Variants in OR1L3 observed in about 807,000 individuals in gnomAD.
OR1L3 encodes the protein olfactory receptor 1L3.
For missense variants in OR1L3, 374 were observed against 386.4 expected, an observed-to-expected ratio of 0.97 and a Z score of 0.27; for synonymous variants, 137 against 144.5, an observed-to-expected ratio of 0.95 and a Z score of 0.37.
Position 122,675,309 on chromosome 9 carries a change from T to C in OR1L3, c.180T>C (p.Tyr60=). ...HSDPRLQNPM[Y]FFLSILSFAD... is the part of the protein sequence containing the mutation. Reference sequence around the variant, plus strand: ...ATCCTCGACTTCAAAACCCTATGTATTTTTTCCTAAGCATCTTGTCCTTTG... The same window carrying C: ...ATCCTCGACTTCAAAACCCTATGTACTTTTTCCTAAGCATCTTGTCCTTTG... Residue 60 remains tyrosine, a synonymous_variant, in exon 1 of 1, where the codon TAT becomes TAC. Transcript: ENST00000304820. 1 of 1,614,172 alleles carries C rather than the reference T, an allele frequency of 6.2e-7. No individual in the cohort carries two copies. Among genetic ancestry groups the C allele is most frequent in the South Asian group, 1.1e-5 (1 of 91,080 alleles).
chr9:122,675,542 G>A lies in OR1L3; in HGVS notation c.413G>A (p.Arg138His), dbSNP rs372271162. 2.1e-5 allele frequency: 34 copies of A among 1,614,046 alleles called. No individual in the cohort carries two copies. The highest frequency in any genetic ancestry group is 3.3e-4 in the Middle Eastern group (2 of 6,084). Reference sequence around the variant, plus strand: ...TTCCATTATGTCACTGTTATGAACCGCAGATGCTGTGTGTTGCTACTAGCA... The same window carrying A: ...TTCCATTATGTCACTGTTATGAACCACAGATGCTGTGTGTTGCTACTAGCA... ...NPFHYVTVMN[R>H]RCCVLLLAFP... is the part of the protein sequence containing the mutation. Residue 138 changes from arginine to histidine, a missense_variant, in exon 1 of 1, where the codon CGC becomes CAC. Arg to His is a conservative substitution (Grantham distance 29). Transcript: ENST00000304820.
In OR1L3 at chr9:122,675,187, C is replaced by T. The variant is rs748192147; in HGVS notation, c.58C>T (p.Arg20Trp). 1.7e-5 allele frequency: 27 copies of T among 1,613,264 alleles called. No individual in the cohort carries two copies. In the Admixed American group the frequency reaches 2.8e-4, roughly 17 times the overall value. ...ATTTATTCTCTTGGGACTCTCCTCT[C>T]GGTCTGAAGACCAGAGGCCACTCTT... ...SEFILLGLSS[R>W]SEDQRPLFAL... Residue 20 changes from arginine to tryptophan, a missense_variant, in exon 1 of 1, where the codon CGG becomes TGG. By Grantham distance (101) the Arg-to-Trp change is moderately radical (BLOSUM62 -3). Transcript: ENST00000304820.
rs776945389 is a variant in OR1L3, at chr9:122,675,638, C to T, written c.509C>T (p.Thr170Ile). ...CTGGTGAATCGGCTCACCTTTTGTA[C>T]ATCAAATGTTATCCATCATTTTTTT... The part of the protein sequence containing the change: ...VLLVNRLTFC[T>I]SNVIHHFFCD... Residue 170 changes from threonine to isoleucine, a missense_variant, in exon 1 of 1, where the codon ACA (threonine) becomes ATA (isoleucine). By Grantham distance (89) the Thr-to-Ile change is moderately conservative. Transcript: ENST00000304820. 19 of 1,614,176 alleles carry T rather than the reference C, an allele frequency of 1.2e-5. No individual in the cohort carries two copies. Among genetic ancestry groups the T allele is most frequent in the East Asian group, 2.2e-5 (1 of 44,880 alleles).
Position 122,675,289 on chromosome 9 carries a change from C to T in OR1L3, c.160C>T (p.Arg54Ter), listed in dbSNP as rs12379744. ...LIILAIHSDP[R>*]LQNPMYFFLS... ...CATCTTGGCTATCCACTCTGATCCTCGACTTCAAAACCCTATGTATTTTTT... is the reference window on the plus strand; with the variant it reads ...CATCTTGGCTATCCACTCTGATCCTTGACTTCAAAACCCTATGTATTTTTT... The change falls in exon 1 of 1, where the codon CGA becomes TGA. Residue 54 changes from arginine (R) to a stop codon, truncating the protein, a stop_gained. Transcript: ENST00000304820. LOFTEE classifies it low-confidence loss of function (END_TRUNC). The T allele has an allele frequency of 4.5e-5, 72 of 1,614,078 alleles. No homozygotes were observed. The highest frequency in any genetic ancestry group is 1.4e-4 in the South Asian group (13 of 91,082).
rs747640614 is a variant in OR1L3 at position 122,675,462 on chromosome 9, T to C, written c.333T>C (p.Asp111=). 1.2e-5 allele frequency: 20 copies of C among 1,614,194 alleles called. No individual in the cohort carries two copies. The East Asian group carries it at 4.5e-4, about 36-fold the overall frequency. The part of the protein sequence containing the change: ...MYFFLVFGNI[D]SYLLAAMAIN... Reference sequence around the variant, plus strand: ...TCTTCCTGGTTTTTGGAAACATAGATAGTTATCTCCTGGCGGCTATGGCCA... The same window carrying C: ...TCTTCCTGGTTTTTGGAAACATAGACAGTTATCTCCTGGCGGCTATGGCCA... The change falls in exon 1 of 1, where the codon GAT becomes GAC. Residue 111 remains aspartate, a synonymous_variant. Coordinates refer to ENST00000304820, the MANE Select transcript of OR1L3 (RefSeq NM_001005234.1).
rs368246350 is a variant in OR1L3 at position 122,676,022 on chromosome 9, G to A, written c.893G>A (p.Arg298Gln). The A allele has an allele frequency of 2.2e-5, 36 of 1,612,800 alleles. No individual in the cohort carries two copies. In the African/African-American group the frequency reaches 2.7e-4, roughly 12 times the overall value. Residue 298 changes from arginine (R) to glutamine (Q), a missense_variant, in exon 1 of 1, where the codon CGG becomes CAG. Coordinates refer to ENST00000304820, the MANE Select transcript of OR1L3 (RefSeq NM_001005234.1). ...AGTTTAAGAAACAAAGACATGAAAC[G>A]GGGCTTACAGAAATTGATAAACAAG... The part of the protein sequence containing the change: ...IYSLRNKDMK[R>Q]GLQKLINKIK...
chr9:122,675,332 T>G lies in OR1L3; in HGVS notation c.203T>G (p.Phe68Cys), dbSNP rs143061509. 1 of 1,614,208 alleles carries G rather than the reference T, an allele frequency of 6.2e-7. No homozygotes were observed. The change falls in exon 1 of 1, where the codon TTT becomes TGT. Residue 68 changes from phenylalanine (F) to cysteine (C), a missense_variant. Transcript: ENST00000304820. ...TATTTTTTCCTAAGCATCTTGTCCT[T>G]TGCTGATATTTGCTACACAACAGTC... Reference protein sequence around the residue: ...PMYFFLSILSFADICYTTVIV... With the variant: ...PMYFFLSILSCADICYTTVIV...
rs367883946 is a variant in OR1L3 at position 122,675,274 on chromosome 9, A to G, written c.145A>G (p.Ile49Val). 1.3e-5 allele frequency: 21 copies of G among 1,614,072 alleles called. No individual in the cohort carries two copies. The highest frequency in any genetic ancestry group is 1.7e-5 in the Non-Finnish European group (20 of 1,180,042). Reference protein sequence around the residue: ...LMGNLLIILAIHSDPRLQNPM... With the variant: ...LMGNLLIILAVHSDPRLQNPM... ...GGGAAATCTGCTCATCATCTTGGCT[A>G]TCCACTCTGATCCTCGACTTCAAAA... Residue 49 changes from isoleucine (I) to valine (V), a missense_variant, in exon 1 of 1, where the codon ATC (isoleucine) becomes GTC (valine). Transcript: ENST00000304820.
chr9:122,676,027 T>C lies in OR1L3; in HGVS notation c.898T>C (p.Leu300=). The change falls in exon 1 of 1, where the codon TTA becomes CTA. Residue 300 remains leucine, a synonymous_variant. Transcript: ENST00000304820. The part of the protein sequence containing the change: ...SLRNKDMKRG[L]QKLINKIKSQ... ...AAGAAACAAAGACATGAAACGGGGCTTACAGAAATTGATAAACAAGATTAA... is the reference window on the plus strand; with the variant it reads ...AAGAAACAAAGACATGAAACGGGGCCTACAGAAATTGATAAACAAGATTAA... 1 of 1,612,592 alleles carries C rather than the reference T, an allele frequency of 6.2e-7. No individual in the cohort carries two copies. The highest frequency in any genetic ancestry group is 8.5e-7 in the Non-Finnish European group (1 of 1,179,636).
Position 122,675,190 on chromosome 9 carries a change from T to G in OR1L3, c.61T>G (p.Ser21Ala). The G allele has an allele frequency of 6.2e-7, 1 of 1,613,776 alleles. No homozygotes were observed. Among genetic ancestry groups the G allele is most frequent in the South Asian group, 1.1e-5 (1 of 91,002 alleles). ...EFILLGLSSR[S>A]EDQRPLFALF... ...TATTCTCTTGGGACTCTCCTCTCGG[T>G]CTGAAGACCAGAGGCCACTCTTTGC... Residue 21 changes from serine (S) to alanine (A), a missense_variant, in exon 1 of 1, where the codon TCT (serine) becomes GCT (alanine). Physicochemically the swap from Ser to Ala is moderately conservative, Grantham distance 99. Transcript: ENST00000304820.
At position 122,675,704 on chromosome 9, in the gene OR1L3, C is replaced by G. The variant is rs752501356; in HGVS notation, c.575C>G (p.Thr192Ser). 6 of 1,614,158 alleles carry G rather than the reference C, an allele frequency of 3.7e-6. No homozygotes were observed. The highest frequency in any genetic ancestry group is 5.1e-6 in the Non-Finnish European group (6 of 1,180,024). ...NPVLKLSCSS[T>S]FVNEIVAMTE... ...GTGCTGAAACTGTCCTGCTCCTCCA[C>G]CTTTGTCAATGAAATTGTGGCCATG... Residue 192 changes from threonine (T) to serine (S), a missense_variant, in exon 1 of 1, where the codon ACC becomes AGC. Physicochemically the swap from Thr to Ser is moderately conservative, Grantham distance 58. Coordinates refer to ENST00000304820, the MANE Select transcript of OR1L3 (RefSeq NM_001005234.1).
Position 122,675,456 on chromosome 9 carries a change from CAT to C in OR1L3, c.329_330del (p.Ile110ArgfsTer2), listed in dbSNP as rs1224991191. The C allele has an allele frequency of 6.2e-7, 1 of 1,614,102 alleles. No homozygotes were observed. Among genetic ancestry groups the C allele is most frequent in the African/African-American group, 1.3e-5 (1 of 74,948 alleles). The part of the protein sequence containing the change: ...QMYFFLVFGN[I>X]DSYLLAAMAI... ...TGTATTTCTTCCTGGTTTTTGGAAA[CAT>C]AGATAGTTATCTCCTGGCGGCTATG... is the stretch of plus-strand genomic sequence containing the variant. On this transcript the variant is annotated frameshift_variant, in exon 1 of 1. Coordinates refer to ENST00000304820, the MANE Select transcript of OR1L3 (RefSeq NM_001005234.1). LOFTEE classifies it low-confidence loss of function (END_TRUNC).
In OR1L3 at chr9:122,676,003, A is replaced by G. The variant is rs1413705402; in HGVS notation, c.874A>G (p.Arg292Gly). The change falls in exon 1 of 1, where the codon AGA becomes GGA. Residue 292 changes from arginine to glycine, a missense_variant. Physicochemically the swap from Arg to Gly is moderately radical, Grantham distance 125. Transcript: ENST00000304820. ...SVLNPFIYSL[R>G]NKDMKRGLQK... ...GTTGAACCCATTTATCTACAGTTTA[A>G]GAAACAAAGACATGAAACGGGGCTT... is the stretch of plus-strand genomic sequence containing the variant. 2 of 1,613,920 alleles carry G rather than the reference A, an allele frequency of 1.2e-6. No homozygotes were observed. The highest frequency in any genetic ancestry group is 3.3e-5 in the Admixed American group (2 of 59,950).
Position 122,675,165 on chromosome 9 carries a change from T to C in OR1L3, c.36T>C (p.Phe12=). 2 of 1,611,506 alleles carry C rather than the reference T, an allele frequency of 1.2e-6. No homozygotes were observed. The highest frequency in any genetic ancestry group is 1.7e-6 in the Non-Finnish European group (2 of 1,179,060). The change falls in exon 1 of 1, where the codon TTT becomes TTC. Residue 12 remains phenylalanine (F), a synonymous_variant. Transcript: ENST00000304820. ...GMSNLTRLSE[F]ILLGLSSRSE... ...CCAACCTGACAAGACTCTCTGAATT[T>C]ATTCTCTTGGGACTCTCCTCTCGGT...
rs200110272 is a variant in OR1L3, at chr9:122,675,941, G to A, written c.812G>A (p.Arg271Gln). 1.5e-4 allele frequency: 239 copies of A among 1,613,970 alleles called. No homozygotes were observed. Among genetic ancestry groups the A allele is most frequent in the Non-Finnish European group, 1.7e-4 (198 of 1,180,020 alleles). The part of the protein sequence containing the change: ...QPLSSYTVKD[R>Q]IATINYTVLT... ...TTGTCCAGCTATACTGTCAAGGACCGAATAGCAACAATCAACTACACTGTG... is the reference window on the plus strand; with the variant it reads ...TTGTCCAGCTATACTGTCAAGGACCAAATAGCAACAATCAACTACACTGTG... Residue 271 changes from arginine (R) to glutamine (Q), a missense_variant, in exon 1 of 1, where the codon CGA (arginine) becomes CAA (glutamine). By Grantham distance (43) the Arg-to-Gln change is conservative. Transcript: ENST00000304820.
chr9:122,676,025 G>T lies in OR1L3; in HGVS notation c.896G>T (p.Gly299Val), dbSNP rs1308834338. The change falls in exon 1 of 1, where the codon GGC becomes GTC. Residue 299 changes from glycine to valine, a missense_variant. Transcript: ENST00000304820. ...YSLRNKDMKR[G>V]LQKLINKIKS... is the part of the protein sequence containing the mutation. ...TTAAGAAACAAAGACATGAAACGGG[G>T]CTTACAGAAATTGATAAACAAGATT... 1 of 1,612,762 alleles carries T rather than the reference G, an allele frequency of 6.2e-7. No homozygotes were observed. Among genetic ancestry groups the T allele is most frequent in the Non-Finnish European group, 8.5e-7 (1 of 1,179,716 alleles).
Position 122,675,735 on chromosome 9 carries a change from A to C in OR1L3, c.606A>C (p.Glu202Asp). ...TCAATGAAATTGTGGCCATGACAGA[A>C]GGGCTGGCCTCTGTGATGGCTCCAT... ...TFVNEIVAMT[E>D]GLASVMAPFV... The change falls in exon 1 of 1, where the codon GAA (glutamate) becomes GAC (aspartate). Residue 202 changes from glutamate to aspartate, a missense_variant. Coordinates refer to ENST00000304820, the MANE Select transcript of OR1L3 (RefSeq NM_001005234.1). The C allele has an allele frequency of 6.2e-7, 1 of 1,614,162 alleles. No individual in the cohort carries two copies. Among genetic ancestry groups the C allele is most frequent in the South Asian group, 1.1e-5 (1 of 91,072 alleles).
In OR1L3 at chr9:122,675,180, C is replaced by T; in HGVS notation, c.51C>T (p.Leu17=). 4.3e-6 allele frequency: 7 copies of T among 1,613,696 alleles called. No individual in the cohort carries two copies. Among genetic ancestry groups the T allele is most frequent in the Non-Finnish European group, 5.1e-6 (6 of 1,179,826 alleles). The part of the protein sequence containing the change: ...TRLSEFILLG[L]SSRSEDQRPL... The stretch of plus-strand genomic sequence containing the variant: ...TCTCTGAATTTATTCTCTTGGGACT[C>T]TCCTCTCGGTCTGAAGACCAGAGGC... Residue 17 remains leucine, a synonymous_variant, in exon 1 of 1, where the codon CTC becomes CTT. Transcript: ENST00000304820.
In OR1L3 at chr9:122,675,273, T is replaced by G. The variant is rs765203072; in HGVS notation, c.144T>G (p.Ala48=). The G allele has an allele frequency of 7.5e-5, 121 of 1,614,090 alleles. No individual in the cohort carries two copies. The highest frequency in any genetic ancestry group is 9.8e-5 in the Non-Finnish European group (116 of 1,180,040). ...TGGGAAATCTGCTCATCATCTTGGC[T>G]ATCCACTCTGATCCTCGACTTCAAA... The part of the protein sequence containing the change: ...TLMGNLLIIL[A]IHSDPRLQNP... The change falls in exon 1 of 1, where the codon GCT becomes GCG. Residue 48 remains alanine (A), a synonymous_variant. Transcript: ENST00000304820.
Sources: gnomAD v4.1 joint callset for allele counts on GRCh38, gnomAD v4.1.1 for gene constraint, MANE v1.5 for transcripts, NCBI Gene and HGNC (gene_info 2026-07-23, HGNC 2026-07-21) for gene names.